SIPA1L1: variants seen among roughly 807,000 people sequenced by gnomAD.
SIPA1L1 encodes signal induced proliferation associated 1 like 1, also known as signal-induced proliferation-associated 1-like protein 1.
A neutral mutation model predicts 162.7 loss-of-function variants in SIPA1L1; 26 were observed. The ratio of observed to expected loss-of-function variants is 0.16; its 90% CI spans 0.12 to 0.22. The LOEUF is 0.22. Among genes scored for constraint, SIPA1L1 ranks in the 10% least tolerant of loss-of-function variants. The pLI is 1.00. For missense variants in SIPA1L1, 1,874 were observed against 2,241.0 expected, an observed-to-expected ratio of 0.84 and a Z score of 3.31; for synonymous variants, 829 against 837.4, an observed-to-expected ratio of 0.99 and a Z score of 0.17.
At chr14:71,503,700 A>G (rs1341821621) in intron 2 of SIPA1L1, 1 of 152,110 alleles carries the variant, frequency 6.6e-6, no homozygotes, top group Non-Finnish European at 1.5e-5. Context: ...TTTGTAAACT[A>G]TGTTGGAATA....
At chr14:71,376,173 A>G (rs1450743585) in intron 2 of SIPA1L1, among the ~76,000 whole-genome samples, 3 of 152,148 alleles carry the variant, frequency 2.0e-5, no homozygotes, top group Admixed American at 2.0e-4. Flanking sequence ...TAGAATTTCC[A>G]TTTTTGAAAT....
At chr14:71,540,392 G>A (rs2054273438) in intron 4 of SIPA1L1, among the ~76,000 whole-genome samples, 2 of 152,154 alleles carry the variant, frequency 1.3e-5, no homozygotes, top group Non-Finnish European at 2.9e-5. Context: ...ATTTTTTAAA[G>A]TACAGCTAAG....
At chr14:71,443,197 G>A (rs780932022) in intron 2 of SIPA1L1, among the ~76,000 whole-genome samples, 8 of 151,952 alleles carry the variant, frequency 5.3e-5, no homozygotes, top group Non-Finnish European at 1.0e-4. Flanking sequence ...GTGTTACTCT[G>A]TCTGAAAATA....
chr14:71,590,798 G>T (rs1020117806), intron 5 of SIPA1L1, among the ~76,000 whole-genome samples: 1 of 152,128 alleles, frequency 6.6e-6, no homozygotes, highest in Non-Finnish European at 1.5e-5. Flanking sequence ...GGCATTTGGG[G>T]GTGCGATGAT....
In SIPA1L1 at chr14:71,588,747, A is replaced by G; in HGVS notation, c.875A>G (p.Asp292Gly). 1 of 1,613,766 alleles carries G rather than the reference A, an allele frequency of 6.2e-7. No homozygotes were observed. Among genetic ancestry groups the G allele is most frequent in the Non-Finnish European group, 8.5e-7 (1 of 1,179,926 alleles). ...LKRRSKSETG[D>G]SSIFRKLRNA... is the part of the protein sequence containing the mutation. Reference sequence around the variant, plus strand: ...CGACGTTCAAAATCTGAAACTGGAGACTCATCTATTTTTCGTAAATTGCGC... The same window carrying G: ...CGACGTTCAAAATCTGAAACTGGAGGCTCATCTATTTTTCGTAAATTGCGC... Residue 292 changes from aspartate to glycine, a missense_variant, in exon 5 of 24, where the codon GAC becomes GGC. This residue lies in a region of SIPA1L1 where 685 missense variants were observed against 828.0 expected (regional missense o/e 0.83). Coordinates refer to ENST00000381232, the MANE Select transcript of SIPA1L1 (RefSeq NM_001386936.1). The surrounding 1 kb of genome is among the most constrained non-coding windows in gnomAD (Gnocchi z 4.3).
At position 71,680,891 on chromosome 14, in the gene SIPA1L1, C is replaced by T. The variant is rs2045739479; in HGVS notation, c.3105-4471C>T. On this transcript the variant is annotated intron_variant, in intron 12 of 23. Transcript: ENST00000381232. ...TGGGCCAGGGTTGTCTTTGGAAATG[C>T]AGCATCTGGACACAAAGGCAGGAGT... Among the ~76,000 whole-genome samples the T allele has an allele frequency of 2.0e-5, 3 of 152,132 alleles. 1 individual carries two copies. The highest frequency in any genetic ancestry group is 2.0e-4 in the Admixed American group (3 of 15,274).
Position 71,419,592 on chromosome 14 carries a change from G to T in SIPA1L1, c.-464-93151G>T, listed in dbSNP as rs918172220. On this transcript the variant is annotated intron_variant, in intron 2 of 23. Coordinates refer to ENST00000381232, the MANE Select transcript of SIPA1L1 (RefSeq NM_001386936.1). The stretch of plus-strand genomic sequence containing the variant: ...GGCTCACTGCAAGCTCCGCTTCCCG[G>T]GTTCACGCCATTCTCCTGCCTCAGC... 4.7e-5 allele frequency among the ~76,000 whole-genome samples: 7 copies of T among 150,212 alleles called. 1 individual carries two copies. The highest frequency in any genetic ancestry group is 7.4e-5 in the Non-Finnish European group (5 of 67,724).
intron 7 of SIPA1L1, among the ~76,000 whole-genome samples, chr14:71,631,172 C>T (rs917224202): frequency 7.2e-5 from 11 of 152,090 alleles, no homozygotes; most frequent in African/African-American, 2.2e-4. Flanking sequence ...TTTCCAGCTT[C>T]ATCCATGTCC....
intron 5 of SIPA1L1, among the ~76,000 whole-genome samples, chr14:71,589,816 C>T (rs561576348): frequency 2.6e-5 from 4 of 151,822 alleles, no homozygotes; most frequent in African/African-American, 9.7e-5. Context: ...ATGTTGTCAT[C>T]AGTAGGTGGT....
intron 7 of SIPA1L1, among the ~76,000 whole-genome samples, chr14:71,631,524 G>A (rs2040570457): frequency 6.6e-6 from 1 of 152,082 alleles, no homozygotes; most frequent in East Asian, 1.9e-4. Context: ...AAAAAATCAG[G>A]TACCTTTATT....
At chr14:71,586,982 C>T (rs1396753397) in intron 4 of SIPA1L1, 1 of 152,004 alleles carries the variant, frequency 6.6e-6, no homozygotes, top group African/African-American at 2.4e-5. Context: ...TATAATGGCT[C>T]TGGGAAAACT....
At chr14:71,413,382 T>C (rs778793008) in intron 2 of SIPA1L1, among the ~76,000 whole-genome samples, 32 of 152,204 alleles carry the variant, frequency 2.1e-4, no homozygotes, top group Non-Finnish European at 3.8e-4. Context: ...ACTGAATGAA[T>C]AGCCAAGCAA....
chr14:71,626,757 T>C (rs953202189), intron 7 of SIPA1L1, among the ~76,000 whole-genome samples: 18 of 152,192 alleles, frequency 1.2e-4, no homozygotes, highest in Admixed American at 7.9e-4. Context: ...TATATTTGGT[T>C]TAAATGATTC....
chr14:71,328,895 C>T (rs930289663), intron 2 of SIPA1L1, among the ~76,000 whole-genome samples: 9 of 152,156 alleles, frequency 5.9e-5, no homozygotes, highest in African/African-American at 1.9e-4. Context: ...TTTCATCTTG[C>T]GAATCTGAAA....
intron 10 of SIPA1L1, among the ~76,000 whole-genome samples, chr14:71,663,122 AT>A (rs1400876444): frequency 6.6e-6 from 1 of 152,320 alleles, no homozygotes; most frequent in Non-Finnish European, 1.5e-5. Context: ...TAATAGCCAG[AT>A]TTTTTTAAAA....
At chr14:71,545,404 C>T (rs2055095978) in intron 4 of SIPA1L1, among the ~76,000 whole-genome samples, 1 of 152,128 alleles carries the variant, frequency 6.6e-6, no homozygotes, top group Non-Finnish European at 1.5e-5. Context: ...TTTTGTACAT[C>T]TTTCATTAGA....
At chr14:71,677,038 G>T (rs1371049243) in intron 12 of SIPA1L1, among the ~76,000 whole-genome samples, 1 of 152,156 alleles carries the variant, frequency 6.6e-6, no homozygotes, top group East Asian at 1.9e-4. Context: ...AGATCCTTGA[G>T]GAACCACCAC....
intron 2 of SIPA1L1, chr14:71,379,517 C>T (rs2039708919): frequency 6.6e-6 from 1 of 151,938 alleles, no homozygotes; most frequent in Non-Finnish European, 1.5e-5. Context: ...GCTGTGTTGC[C>T]CAGTACTGGC....
intron 2 of SIPA1L1, among the ~76,000 whole-genome samples, chr14:71,498,896 C>T (rs917256754): frequency 1.3e-5 from 2 of 152,094 alleles, no homozygotes; most frequent in African/African-American, 4.8e-5. Context: ...ATGTTCTTTA[C>T]AAGGCTTATA....
Sources: allele counts gnomAD v4.1 joint callset (sites outside exome capture counted in the v4.1 genomes callset), GRCh38; gene constraint gnomAD v4.1.1; regional missense constraint gnomAD v4.1.1; non-coding constraint Gnocchi (gnomAD v3.1); transcripts MANE v1.5; gene names NCBI Gene and HGNC (gene_info 2026-07-23, HGNC 2026-07-21).